The following SCRIB variants were observed in gnomAD, a reference collection of about 807,000 sequenced individuals.
SCRIB encodes scribble planar cell polarity protein, also known as protein scribble homolog.
SCRIB carries 72 observed loss-of-function variants against 170.0 expected under a neutral mutation model. The ratio of observed to expected loss-of-function variants is 0.42; its 90% CI spans 0.35 to 0.52. The LOEUF is 0.52. SCRIB is among the 20% of genes least tolerant of loss of function. The pLI, the probability that SCRIB is intolerant of heterozygous loss-of-function variation, is 0.02. For missense variants in SCRIB, 2,475 were observed against 2,338.5 expected (o/e 1.06, Z -1.20); for synonymous variants, 1,298 against 1,044.3 (o/e 1.24, Z -4.68).
chr8:143,813,799 A>G lies in SCRIB; in HGVS notation c.356+19T>C, dbSNP rs551092063. On this transcript the variant is annotated intron_variant, in intron 3 of 36. Transcript: ENST00000356994. Reference sequence around the variant, plus strand: ...GGGACCCATAGCCCCTACCGACCCCACCACAGGCTGCCACCCACCTGGAGA... The same window carrying G: ...GGGACCCATAGCCCCTACCGACCCCGCCACAGGCTGCCACCCACCTGGAGA... 6.2e-7 allele frequency: 1 copy of G among 1,607,986 alleles called. No homozygotes were observed. The highest frequency in any genetic ancestry group is 1.1e-5 in the South Asian group (1 of 90,748).
At chr8:143,792,434 G>A (rs782233004) in intron 31 of SCRIB, 29 bp from the exon 32 acceptor site, 2 of 1,509,112 alleles carry the variant, frequency 1.3e-6, no homozygotes, top group Admixed American at 4.0e-5. Flanking sequence ...GTGCTGTGGG[G>A]GGCAGGGGCA....
At position 143,795,464 on chromosome 8, in the gene SCRIB, T is replaced by C. The variant is rs782369911; in HGVS notation, c.3670A>G (p.Ile1224Val). 2 of 1,613,076 alleles carry C rather than the reference T, an allele frequency of 1.2e-6. No homozygotes were observed. Among genetic ancestry groups the C allele is most frequent in the African/African-American group, 2.7e-5 (2 of 74,852 alleles). ...CTCAGCTCCCGGTCGATGGAAGAGA[T>C]GCTCTCCAGGCTGTTCCGGTGGCCG... is the stretch of plus-strand genomic sequence containing the variant. ...GIGHRNSLES[I>V]SSIDRELSPE... The change falls in exon 25 of 37, where the codon ATC becomes GTC. Residue 1224 changes from isoleucine to valine, a missense_variant. By Grantham distance (29) the Ile-to-Val change is conservative. Coordinates refer to ENST00000356994, the MANE Select transcript of SCRIB (RefSeq NM_182706.5).
chr8:143,815,717 G>A lies in SCRIB; in HGVS notation c.-345C>T, dbSNP rs918828838. On this transcript the variant is annotated 5_prime_UTR_variant, in exon 1 of 37. Coordinates refer to ENST00000356994, the MANE Select transcript of SCRIB (RefSeq NM_182706.5). ...CGCACCGGAACCGCCGCTGCCCGCCGGACTGCCCCGCCGACACCCACCCGG... is the reference window on the plus strand; with the variant it reads ...CGCACCGGAACCGCCGCTGCCCGCCAGACTGCCCCGCCGACACCCACCCGG... 2.0e-6 allele frequency: 2 copies of A among 983,612 alleles called. No homozygotes were observed. Among genetic ancestry groups the A allele is most frequent in the South Asian group, 4.7e-5 (1 of 21,282 alleles). The allele number at this position is 983,612 out of a possible 1,614,324, so 60.9% of individuals were successfully genotyped here.
At chr8:143,812,508 T>C (rs985472501) in intron 8 of SCRIB, 124 bp from the exon 9 acceptor site, 1 of 773,450 alleles carries the variant, frequency 1.3e-6, no homozygotes, top group African/African-American at 2.0e-5. Flanking sequence ...CCGCCGTACT[T>C]CGGGAGGACC....
Position 143,804,717 on chromosome 8 carries a change from G to C in SCRIB, c.2860C>G (p.Leu954Val). The change falls in exon 21 of 37, where the codon CTT (leucine) becomes GTT (valine). Residue 954 changes from leucine to valine, a missense_variant. Leu to Val is a conservative substitution (Grantham distance 32). This residue lies in a region of SCRIB where 1,966 missense variants were observed against 1,742.9 expected (regional missense o/e 1.13). Transcript: ENST00000356994. ...GAATGTGGCAGAGGGCTGGGAGGAA[G>C]AGGGCCCCCAGCCTCCCGCTCCAAC... is the stretch of plus-strand genomic sequence containing the variant. ...LLLEREAGGP[L>V]PPSPLPHSSP... is the part of the protein sequence containing the mutation. 6.3e-7 allele frequency: 1 copy of C among 1,586,618 alleles called. No homozygotes were observed. Among genetic ancestry groups the C allele is most frequent in the Non-Finnish European group, 8.6e-7 (1 of 1,165,950 alleles).
Position 143,815,568 on chromosome 8 carries a change from G to A in SCRIB, c.-196C>T, listed in dbSNP as rs1156481987. The A allele has an allele frequency of 4.1e-6, 4 of 981,460 alleles. No individual in the cohort carries two copies. Among genetic ancestry groups the A allele is most frequent in the Non-Finnish European group, 4.8e-6 (4 of 828,394 alleles). 60.8% of individuals were successfully genotyped at this position (981,460 alleles called of 1,614,324 possible). A position where few individuals can be genotyped will look rare whatever the true frequency, so the allele number is the denominator to read the frequency against. On this transcript the variant is annotated 5_prime_UTR_variant, in exon 1 of 37. Coordinates refer to ENST00000356994, the MANE Select transcript of SCRIB (RefSeq NM_182706.5). ...CTCGGAACGCTCGGACTGCGGGCCT[G>A]GGCAGGGGGCGCGGCCCGGCGGGTC...
intron 24 of SCRIB, among the ~76,000 whole-genome samples, chr8:143,799,282 G>A (rs543076430): frequency 6.2e-4 from 94 of 152,334 alleles, no homozygotes; most frequent in African/African-American, 2.1e-3. Flanking sequence ...TCCTGAGAGC[G>A]TAAATCGAGG....
chr8:143,810,906 C>T lies in SCRIB; in HGVS notation c.1273G>A (p.Glu425Lys), dbSNP rs1815684062. The change falls in exon 11 of 37, where the codon GAG becomes AAG. Residue 425 changes from glutamate to lysine, a missense_variant and splice_region_variant. This residue lies in a region of SCRIB where 1,966 missense variants were observed against 1,742.9 expected (regional missense o/e 1.13). Transcript: ENST00000356994. ...TAAGCACCGGTTGCCAACAACCTAC[C>T]GAGGCTGGGTGGGGGCTGCTGGGGC... ...LLPQQPPPSL[E>K]DAGQQGSLSE... The T allele has an allele frequency of 3.1e-6, 5 of 1,611,306 alleles. No individual in the cohort carries two copies. Among genetic ancestry groups the T allele is most frequent in the Non-Finnish European group, 4.2e-6 (5 of 1,179,884 alleles).
In SCRIB at chr8:143,809,629, C is replaced by A. The variant is rs762872473; in HGVS notation, c.1620G>T (p.Ser540=). The change falls in exon 14 of 37, where the codon TCG becomes TCT. Residue 540 remains serine, a synonymous_variant. Coordinates refer to ENST00000356994, the MANE Select transcript of SCRIB (RefSeq NM_182706.5). ...TVSEAEPEGP[S]AEAQGGSQQE... Reference sequence around the variant, plus strand: ...GCTGGCTCCCACCCTGTGCCTCAGCCGACGGGCCCTCGGGCTCAGCCTCAG... The same window carrying A: ...GCTGGCTCCCACCCTGTGCCTCAGCAGACGGGCCCTCGGGCTCAGCCTCAG... 1 of 1,611,326 alleles carries A rather than the reference C, an allele frequency of 6.2e-7. No homozygotes were observed. Among genetic ancestry groups the A allele is most frequent in the Admixed American group, 1.7e-5 (1 of 60,018 alleles).
intron 16 of SCRIB, 151 bp from the exon 17 acceptor site, chr8:143,807,164 C>G (rs1353977178): frequency 1.2e-5 from 8 of 651,238 alleles, no homozygotes; most frequent in Non-Finnish European, 1.9e-5. Context: ...CAGGGCCAGC[C>G]CAGACGCCAG....
At chr8:143,802,003 G>A (rs1349765256) in intron 24 of SCRIB, among the ~76,000 whole-genome samples, 8 of 152,240 alleles carry the variant, frequency 5.3e-5, no homozygotes, top group African/African-American at 1.7e-4. Context: ...TGCATACCTA[G>A]CTCTTCCCTG....
chr8:143,804,842 G>GA lies in SCRIB; in HGVS notation c.2752-18dup. On this transcript the variant is annotated splice_polypyrimidine_tract_variant and intron_variant, in intron 20 of 36. Coordinates refer to ENST00000356994, the MANE Select transcript of SCRIB (RefSeq NM_182706.5). ...TCCATTAATCTGTGAGAGCGTGCCC[G>GA]AATCAGGGAGGCCCAAGGGCAGAAG... 2 of 1,529,062 alleles carry GA rather than the reference G, an allele frequency of 1.3e-6. No individual in the cohort carries two copies. Among genetic ancestry groups the GA allele is most frequent in the Non-Finnish European group, 1.7e-6 (2 of 1,143,068 alleles). The allele number at this position is 1,529,062 out of a possible 1,614,324, so 94.7% of individuals were successfully genotyped here.
Position 143,803,548 on chromosome 8 carries a change from C to T in SCRIB, c.3438G>A (p.Gly1146=). 6.2e-7 allele frequency: 1 copy of T among 1,603,516 alleles called. No homozygotes were observed. Among genetic ancestry groups the T allele is most frequent in the Non-Finnish European group, 8.5e-7 (1 of 1,178,830 alleles). The change falls in exon 24 of 37, where the codon GGG becomes GGA. Residue 1146 remains glycine (G), a synonymous_variant. Transcript: ENST00000356994. ...AACCCACACGCAGCCGACCGTCGCGCCCGGCTGCCCCCGTGGGGCTCACCT... is the reference window on the plus strand; with the variant it reads ...AACCCACACGCAGCCGACCGTCGCGTCCGGCTGCCCCCGTGGGGCTCACCT... ...ISKVSPTGAA[G]RDGRLRVGLR...
rs745843962 is a variant in SCRIB, at chr8:143,809,757, C to A, written c.1531-39G>T. ...TGGGGTCAGGCTTCGACGGAGCTCC[C>A]GACTCACAGGCTGGCCACCTGGGAT... On this transcript the variant is annotated intron_variant, in intron 13 of 36. Transcript: ENST00000356994. 3.8e-6 allele frequency: 6 copies of A among 1,589,098 alleles called. No individual in the cohort carries two copies. In the African/African-American group the frequency reaches 8.0e-5, roughly 21 times the overall value.
At position 143,813,121 on chromosome 8, in the gene SCRIB, A is replaced by G. The variant is rs7004835; in HGVS notation, c.568-17T>C. On this transcript the variant is annotated splice_polypyrimidine_tract_variant and intron_variant, in intron 6 of 36. Transcript: ENST00000356994. ...AGTGTCTGGCTGCAAGAAGGAACAG[A>G]GAAAATAGTGACTATGAGGCAAAGC... 14,219 of 1,573,102 alleles carry G rather than the reference A, an allele frequency of 9.0e-3. 182 individuals are homozygous for G. The highest frequency in any genetic ancestry group is 0.059 in the African/African-American group (4,354 of 74,308).
chr8:143,810,043 C>T (rs923276613), intron 13 of SCRIB, among the ~76,000 whole-genome samples: 10 of 152,162 alleles, frequency 6.6e-5, no homozygotes, highest in Non-Finnish European at 1.5e-4. Flanking sequence ...CCCCACACAC[C>T]CTACCCCAGC....
intron 30 of SCRIB, 31 bp downstream of exon 30, chr8:143,792,677 C>T: frequency 6.3e-7 from 1 of 1,589,680 alleles, no homozygotes; most frequent in Non-Finnish European, 8.5e-7. Context: ...CAGCCGAGAC[C>T]CAACCCCCAC....
chr8:143,793,684 G>A, intron 28 of SCRIB: 1 of 529,626 alleles, frequency 1.9e-6, no homozygotes, highest in East Asian at 3.0e-5. Context: ...AGCACACTCA[G>A]GCCCCCCACC....
intron 24 of SCRIB, among the ~76,000 whole-genome samples, chr8:143,796,073 C>A (rs10090912): frequency 6.6e-6 from 1 of 151,960 alleles, no homozygotes; most frequent in Non-Finnish European, 1.5e-5. Flanking sequence ...GCGGAGGGGG[C>A]GTCTAGAAAG....
Sources: allele counts gnomAD v4.1 joint callset (sites outside exome capture counted in the v4.1 genomes callset), GRCh38; gene constraint gnomAD v4.1.1; regional missense constraint gnomAD v4.1.1; transcripts MANE v1.5; gene names NCBI Gene and HGNC (gene_info 2026-07-23, HGNC 2026-07-21).